The following TK2 variants were observed in gnomAD, a reference collection of about 807,000 sequenced individuals.
The protein encoded by TK2 is thymidine kinase 2.
A neutral mutation model predicts 41.9 loss-of-function variants in TK2; 35 were observed. The ratio of observed to expected loss-of-function variants is 0.84; its 90% CI spans 0.64 to 1.11. The LOEUF (loss-of-function observed/expected upper bound fraction) is 1.11. Ranked by LOEUF, TK2 falls within the 50% of genes least tolerant of loss-of-function variation. The probability of loss-of-function intolerance (pLI) is 0.00; values close to 1 mark genes in which losing one functional copy is unlikely to be tolerated. For missense variants in TK2, 320 were observed against 351.1 expected, an observed-to-expected ratio of 0.91 and a Z score of 0.71; for synonymous variants, 128 against 129.1, an observed-to-expected ratio of 0.99 and a Z score of 0.06.
intron 6 of TK2, among the ~76,000 whole-genome samples, chr16:66,527,806 G>T (rs934242685): frequency 6.6e-6 from 1 of 152,158 alleles, no homozygotes; most frequent in Non-Finnish European, 1.5e-5. Context: ...AAGGCAGGAG[G>T]ATCACTTGAG....
intron 8 of TK2, among the ~76,000 whole-genome samples, chr16:66,516,181 G>A (rs999189601): frequency 1.3e-5 from 2 of 152,122 alleles, no homozygotes; most frequent in East Asian, 3.9e-4. Flanking sequence ...AGAAAGCCAG[G>A]GGGTGGGTTT....
chr16:66,519,838 G>C (rs1964727835), intron 6 of TK2, among the ~76,000 whole-genome samples: 1 of 152,214 alleles, frequency 6.6e-6, no homozygotes, highest in African/African-American at 2.4e-5. Context: ...AGTGGGGAGG[G>C]GGCAGGGAGG....
intron 3 of TK2, among the ~76,000 whole-genome samples, chr16:66,539,321 G>C (rs1012972622): frequency 6.6e-6 from 1 of 152,000 alleles, no homozygotes; most frequent in Non-Finnish European, 1.5e-5. Flanking sequence ...AAAGGGGACC[G>C]GGCACGGTGG....
Position 66,517,892 on chromosome 16 carries a change from G to A in TK2, c.450-15C>T. ...GCATCTTCCCACTGCAATGAGAGTTGTAAGGGCTTATTCACCTAAGAGAAA... is the reference window on the plus strand; with the variant it reads ...GCATCTTCCCACTGCAATGAGAGTTATAAGGGCTTATTCACCTAAGAGAAA... On this transcript the variant is annotated splice_polypyrimidine_tract_variant and intron_variant, in intron 6 of 9. Transcript: ENST00000544898. This position sits in a 1 kb window ranked among gnomAD's most constrained non-coding sequence, Gnocchi z 4.3. The A allele has an allele frequency of 3.7e-6, 6 of 1,609,776 alleles. No individual in the cohort carries two copies. The highest frequency in any genetic ancestry group is 5.1e-6 in the Non-Finnish European group (6 of 1,175,980).
At position 66,511,633 on chromosome 16, in the gene TK2, A is replaced by G. The variant is rs557888656; in HGVS notation, c.*335T>C. ...CCTAATGAAGGCTGAGACGATTGGT[A>G]CACAGCTCCAGCGTGGTGTCAGGCA... On this transcript the variant is annotated 3_prime_UTR_variant, in exon 10 of 10. Transcript: ENST00000544898. 3.4e-5 allele frequency: 14 copies of G among 412,088 alleles called. No homozygotes were observed. The highest frequency in any genetic ancestry group is 3.0e-4 in the South Asian group (14 of 47,242). The allele number at this position is 412,088 out of a possible 1,614,324, so 25.5% of individuals were successfully genotyped here.
At chr16:66,524,476 C>T (rs996488017) in intron 6 of TK2, among the ~76,000 whole-genome samples, 2 of 152,178 alleles carry the variant, frequency 1.3e-5, no homozygotes, top group East Asian at 1.9e-4. Flanking sequence ...GCTGGGACTA[C>T]AGATGTGCAC....
At chr16:66,519,015 G>A (rs1317547457) in intron 6 of TK2, among the ~76,000 whole-genome samples, 2 of 151,762 alleles carry the variant, frequency 1.3e-5, no homozygotes, top group Admixed American at 1.3e-4. Context: ...AGGCTGGAGT[G>A]CAGTAGTGTG....
At chr16:66,528,168 C>A (rs574037933) in intron 6 of TK2, among the ~76,000 whole-genome samples, 12 of 152,288 alleles carry the variant, frequency 7.9e-5, no homozygotes, top group African/African-American at 2.6e-4. Context: ...GGAGGAAGGG[C>A]CTCCAGCGTT....
chr16:66,543,434 G>A (rs928266337), intron 2 of TK2, among the ~76,000 whole-genome samples: 22 of 152,208 alleles, frequency 1.4e-4, no homozygotes, highest in African/African-American at 4.8e-4. Context: ...CATAGGCCCA[G>A]TGGCTCTGGC....
chr16:66,514,200 G>A lies in TK2; in HGVS notation c.619-389C>T, dbSNP rs567195398. On this transcript the variant is annotated intron_variant, in intron 8 of 9. Transcript: ENST00000544898. This position sits in a 1 kb window ranked among gnomAD's most constrained non-coding sequence, Gnocchi z 4.2. ...GGCTGGACTGTACTGCCGCCAACTC[G>A]ACTCACTGCAACCTCCCTGCCTGAT... Among the ~76,000 whole-genome samples the A allele has an allele frequency of 6.6e-6, 1 of 150,486 alleles. No individual in the cohort carries two copies. The highest frequency in any genetic ancestry group is 2.0e-4 in the East Asian group (1 of 5,068).
Position 66,514,292 on chromosome 16 carries a change from G to A in TK2, c.619-481C>T, listed in dbSNP as rs577500010. On this transcript the variant is annotated intron_variant, in intron 8 of 9. Transcript: ENST00000544898. This position sits in a 1 kb window ranked among gnomAD's most constrained non-coding sequence, Gnocchi z 4.2. ...GCACCGCCATGCCTGACTGGTTTTC[G>A]TATTTTTTGGTGGAGACGGGGTTTC... is the stretch of plus-strand genomic sequence containing the variant. Among the ~76,000 whole-genome samples the A allele has an allele frequency of 5.6e-4, 86 of 152,352 alleles. No individual in the cohort carries two copies. The highest frequency in any genetic ancestry group is 9.0e-4 in the Non-Finnish European group (61 of 68,032).
intron 3 of TK2, among the ~76,000 whole-genome samples, chr16:66,539,180 CA>C (rs1965376796): frequency 1.3e-5 from 2 of 152,152 alleles, no homozygotes. Flanking sequence ...TCACTCAGGA[CA>C]GGGGTCAAGA....
intron 5 of TK2, among the ~76,000 whole-genome samples, 191 bp from the exon 6 acceptor site, chr16:66,529,258 C>G (rs1965033916): frequency 6.6e-6 from 1 of 152,232 alleles, no homozygotes; most frequent in African/African-American, 2.4e-5. Context: ...CCACCAGGCT[C>G]AGGCTGTGTC....
At chr16:66,549,358 G>T (rs549290351) in intron 1 of TK2, 3 of 1,139,214 alleles carry the variant, frequency 2.6e-6, no homozygotes, top group South Asian at 4.7e-5. Flanking sequence ...AAGAGTGGGC[G>T]GCGGACGTGG....
intron 6 of TK2, among the ~76,000 whole-genome samples, chr16:66,526,660 G>A (rs557552878): frequency 1.6e-4 from 25 of 152,328 alleles, no homozygotes; most frequent in Middle Eastern, 3.4e-3. Context: ...GCTGAGGTAG[G>A]AGGATCTCTT....
In TK2 at chr16:66,517,751, G is replaced by T; in HGVS notation, c.538+38C>A. The T allele has an allele frequency of 6.3e-7, 1 of 1,596,644 alleles. No individual in the cohort carries two copies. Among genetic ancestry groups the T allele is most frequent in the Non-Finnish European group, 8.6e-7 (1 of 1,164,082 alleles). On this transcript the variant is annotated intron_variant, in intron 7 of 9. Coordinates refer to ENST00000544898, the MANE Select transcript of TK2 (RefSeq NM_004614.5). The surrounding 1 kb of genome is among the most constrained non-coding windows in gnomAD (Gnocchi z 4.3). ...AAGCACATCCTCAAGGGACCCAGGA[G>T]AGAGACAAGAGAGGGAGGTGGGAGG...
In TK2 at chr16:66,532,926, AT is replaced by A. The variant is rs532890594; in HGVS notation, c.286-1458del. On this transcript the variant is annotated intron_variant, in intron 4 of 9. Coordinates refer to ENST00000544898, the MANE Select transcript of TK2 (RefSeq NM_004614.5). ...CAAAAGACCCCAAATAGCCAAAGCA[AT>A]CCTGAGCAAAAAAAACAAAGTTGGA... Among the ~76,000 whole-genome samples, 105 of 152,264 alleles carry A rather than the reference AT, an allele frequency of 6.9e-4. 2 individuals carry two copies. The highest frequency in any genetic ancestry group is 2.9e-3 in the South Asian group (14 of 4,832).
rs1409277684 is a variant in TK2, at chr16:66,514,355, G to A, written c.619-544C>T. Among the ~76,000 whole-genome samples the A allele has an allele frequency of 2.6e-5, 4 of 152,240 alleles. No homozygotes were observed. Among genetic ancestry groups the A allele is most frequent in the African/African-American group, 4.8e-5 (2 of 41,472 alleles). On this transcript the variant is annotated intron_variant, in intron 8 of 9. Transcript: ENST00000544898. This position sits in a 1 kb window ranked among gnomAD's most constrained non-coding sequence, Gnocchi z 4.2. ...GGGCTGGTCTCCAGCTCCTAACCGC[G>A]AGTGATCCGCCAGCCTCGGCCTCCC...
chr16:66,513,645 C>G, intron 9 of TK2, 86 bp downstream of exon 9: 1 of 1,244,164 alleles, frequency 8.0e-7, no homozygotes, highest in Non-Finnish European at 1.2e-6. Flanking sequence ...GGACTGTGCC[C>G]TCCCCTGTCT....
Sources: gnomAD v4.1 joint callset for allele counts (sites outside exome capture counted in the v4.1 genomes callset) on GRCh38, gnomAD v4.1.1 for gene constraint, Gnocchi (gnomAD v3.1) non-coding constraint, MANE v1.5 for transcripts, NCBI Gene and HGNC (gene_info 2026-07-23, HGNC 2026-07-21) for gene names.